PDZRN4: variants seen among roughly 807,000 people sequenced by gnomAD.
PDZRN4 encodes the protein PDZ domain-containing RING finger protein 4.
A neutral mutation model predicts 99.0 loss-of-function variants in PDZRN4; 70 were observed. That is an observed-to-expected ratio of 0.71 (90% CI 0.58 to 0.86). PDZRN4 has a LOEUF of 0.86. PDZRN4 is among the 40% of genes least tolerant of loss of function. The pLI, the probability that PDZRN4 is intolerant of heterozygous loss-of-function variation, is 0.00. For missense variants in PDZRN4, 1,474 were observed against 1,331.2 expected, an observed-to-expected ratio of 1.11 and a Z score of -1.67; for synonymous variants, 551 against 501.6, an observed-to-expected ratio of 1.10 and a Z score of -1.32.
chr12:41,193,916 T>C (rs1318720639), intron 2 of PDZRN4, among the ~76,000 whole-genome samples, 165 bp from the exon 3 acceptor site: 1 of 152,182 alleles, frequency 6.6e-6, no homozygotes, highest in African/African-American at 2.4e-5. Context: ...GCCACCTTGA[T>C]TAATGACTAG....
intron 3 of PDZRN4, among the ~76,000 whole-genome samples, chr12:41,446,802 C>T (rs1257153441): frequency 6.8e-6 from 1 of 147,144 alleles, no homozygotes; most frequent in Non-Finnish European, 1.5e-5. Context: ...ATGGAACAGC[C>T]AGACAGTGGA....
intron 3 of PDZRN4, among the ~76,000 whole-genome samples, chr12:41,325,225 T>C (rs1951702056): frequency 6.6e-6 from 1 of 152,196 alleles, no homozygotes; most frequent in African/African-American, 2.4e-5. Flanking sequence ...CATTATGTGA[T>C]AATTCAGTGG....
At chr12:41,226,400 T>A (rs1950995170) in intron 3 of PDZRN4, among the ~76,000 whole-genome samples, 1 of 152,032 alleles carries the variant, frequency 6.6e-6, no homozygotes, top group Non-Finnish European at 1.5e-5. Context: ...CTCTTTGAGG[T>A]CATGGATTTT....
intron 3 of PDZRN4, among the ~76,000 whole-genome samples, chr12:41,361,235 T>C (rs779797388): frequency 5.9e-5 from 9 of 152,084 alleles, no homozygotes; most frequent in Non-Finnish European, 1.3e-4. Context: ...CAAATAATTA[T>C]AGAATTAGCT....
intron 3 of PDZRN4, among the ~76,000 whole-genome samples, chr12:41,477,523 G>C (rs1006125600): frequency 3.3e-5 from 5 of 152,178 alleles, no homozygotes; most frequent in Admixed American, 2.6e-4. Flanking sequence ...GATGTGGTTT[G>C]GGTTGGGGAC....
intron 3 of PDZRN4, among the ~76,000 whole-genome samples, chr12:41,227,910 CACACACA>C (rs770056614): frequency 3.3e-5 from 5 of 150,252 alleles, no homozygotes; most frequent in Admixed American, 1.3e-4. Flanking sequence ...CACACACACA[CACACACA>C]CACCAGAAGG....
chr12:41,201,770 C>G (rs1041745627), intron 3 of PDZRN4, among the ~76,000 whole-genome samples: 1 of 152,064 alleles, frequency 6.6e-6, no homozygotes, highest in Non-Finnish European at 1.5e-5. Flanking sequence ...ATTATTGTTT[C>G]TTAAGTTGTA....
intron 8 of PDZRN4, among the ~76,000 whole-genome samples, chr12:41,565,598 T>A (rs923929600): frequency 1.3e-5 from 2 of 152,104 alleles, no homozygotes; most frequent in Non-Finnish European, 2.9e-5. Flanking sequence ...TTTAAACATT[T>A]TTAACGTTTC....
At chr12:41,310,895 T>C (rs916595144) in intron 3 of PDZRN4, among the ~76,000 whole-genome samples, 3 of 152,112 alleles carry the variant, frequency 2.0e-5, no homozygotes, top group Non-Finnish European at 2.9e-5. Flanking sequence ...TCACATAGGA[T>C]TAAGGGAAAT....
intron 3 of PDZRN4, among the ~76,000 whole-genome samples, chr12:41,375,298 G>A (rs930704954): frequency 6.6e-6 from 1 of 152,102 alleles, no homozygotes; most frequent in Non-Finnish European, 1.5e-5. Flanking sequence ...GCTATTCAAC[G>A]AGAGCCAATA....
intron 3 of PDZRN4, among the ~76,000 whole-genome samples, chr12:41,488,324 A>C (rs905313867): frequency 1.3e-5 from 2 of 152,230 alleles, no homozygotes; most frequent in Non-Finnish European, 2.9e-5. Flanking sequence ...GGTGTGCATT[A>C]GAGTCAAATG....
chr12:41,424,521 G>A (rs1952518763), intron 3 of PDZRN4, among the ~76,000 whole-genome samples: 1 of 152,082 alleles, frequency 6.6e-6, no homozygotes, highest in South Asian at 2.1e-4. Context: ...GTTGCTAGAA[G>A]CTATTATGAC....
At chr12:41,359,236 G>A (rs1355973204) in intron 3 of PDZRN4, among the ~76,000 whole-genome samples, 1 of 151,920 alleles carries the variant, frequency 6.6e-6, no homozygotes, top group African/African-American at 2.4e-5. Context: ...GTTGAGAAGG[G>A]TTTGGAATTG....
chr12:41,343,814 C>CATAT (rs34873280), intron 3 of PDZRN4, among the ~76,000 whole-genome samples: 1 of 151,316 alleles, frequency 6.6e-6, no homozygotes, highest in South Asian at 2.1e-4. Context: ...CATTATACAA[C>CATAT]ATATATATAT....
At chr12:41,414,926 G>A (rs1323750794) in intron 3 of PDZRN4, among the ~76,000 whole-genome samples, 3 of 152,124 alleles carry the variant, frequency 2.0e-5, no homozygotes, top group African/African-American at 7.2e-5. Context: ...CAGAGTCAAG[G>A]GAAGAGCACA....
intron 3 of PDZRN4, among the ~76,000 whole-genome samples, chr12:41,351,060 G>A (rs1437248563): frequency 2.0e-5 from 3 of 152,084 alleles, no homozygotes; most frequent in Admixed American, 2.0e-4. Flanking sequence ...TTTGGGTTAT[G>A]GACACTATTC....
intron 7 of PDZRN4, among the ~76,000 whole-genome samples, chr12:41,560,044 T>C (rs879535902): frequency 6.6e-6 from 1 of 152,186 alleles, no homozygotes; most frequent in Non-Finnish European, 1.5e-5. Flanking sequence ...TATTTCTTTA[T>C]AGCAGCATGA....
At chr12:41,223,180 T>C (rs1275745514) in intron 3 of PDZRN4, among the ~76,000 whole-genome samples, 1 of 152,140 alleles carries the variant, frequency 6.6e-6, no homozygotes, top group East Asian at 1.9e-4. Context: ...AGCAACACCT[T>C]GAAGGAACTC....
rs141985713 is a variant in PDZRN4 at position 41,285,296 on chromosome 12, C to T, written c.843+91108C>T. 1.3e-3 allele frequency among the ~76,000 whole-genome samples: 203 copies of T among 152,214 alleles called. 1 individual carries two copies. The highest frequency in any genetic ancestry group is 4.7e-3 in the African/African-American group (196 of 41,524). On this transcript the variant is annotated intron_variant, in intron 3 of 9. Transcript: ENST00000402685. ...TCATTACAGAAATGCAAATCAAAAC[C>T]ACAATGAGATACCATCTCATTCCAG...
Sources: allele counts gnomAD v4.1 joint callset (sites outside exome capture counted in the v4.1 genomes callset), GRCh38; gene constraint gnomAD v4.1.1; transcripts MANE v1.5; gene names NCBI Gene and HGNC (gene_info 2026-07-23, HGNC 2026-07-21).